Variants in EYS observed in about 807,000 individuals in gnomAD.
EYS encodes the protein protein eyes shut homolog.
Under a neutral mutation model 282.1 loss-of-function variants are expected in EYS, and 250 were observed. The observed-to-expected ratio is 0.89, with a 90% CI of 0.80 to 0.98. The LOEUF (loss-of-function observed/expected upper bound fraction) is 0.98. Ranked by LOEUF, EYS falls within the 50% of genes least tolerant of loss-of-function variation. The probability of loss-of-function intolerance (pLI) is 0.00; values close to 1 mark genes in which losing one functional copy is unlikely to be tolerated. For synonymous variants in EYS, 1,355 were observed against 1,282.9 expected, an observed-to-expected ratio of 1.06 and a Z score of -1.20; for missense variants, 4,016 against 3,709.0, an observed-to-expected ratio of 1.08 and a Z score of -2.15.
chr6:64,512,364 A>G (rs930307478), intron 26 of EYS, among the ~76,000 whole-genome samples: 2 of 152,044 alleles, frequency 1.3e-5, no homozygotes, highest in South Asian at 4.1e-4. Flanking sequence ...TACGCAATCT[A>G]TTTCATAGGT....
At chr6:65,581,577 C>T (rs1160285576) in intron 2 of EYS, among the ~76,000 whole-genome samples, 5 of 152,064 alleles carry the variant, frequency 3.3e-5, no homozygotes, top group Non-Finnish European at 7.4e-5. Flanking sequence ...AACAATCCCT[C>T]CTAATGTTTA....
intron 12 of EYS, among the ~76,000 whole-genome samples, chr6:65,110,558 C>T (rs1202443612): frequency 6.6e-6 from 1 of 151,918 alleles, no homozygotes; most frequent in Non-Finnish European, 1.5e-5. Context: ...TAGAGCTTTC[C>T]AGACAGAAAT....
intron 22 of EYS, among the ~76,000 whole-genome samples, chr6:64,724,768 T>C (rs1771696413): frequency 6.6e-6 from 1 of 152,166 alleles, no homozygotes; most frequent in African/African-American, 2.4e-5. Context: ...AAAAATAGCA[T>C]TTGTGAGTCA....
chr6:64,131,331 T>C (rs1364611969), intron 31 of EYS, among the ~76,000 whole-genome samples: 1 of 152,252 alleles, frequency 6.6e-6, no homozygotes, highest in Non-Finnish European at 1.5e-5. Flanking sequence ...TTTAAAAGTC[T>C]TCCATATTAT....
At chr6:64,587,277 T>A (rs554148061) in intron 26 of EYS, among the ~76,000 whole-genome samples, 89 of 152,180 alleles carry the variant, frequency 5.8e-4, no homozygotes, top group African/African-American at 1.9e-3. Flanking sequence ...TAGCTACTTT[T>A]CTATTATGGA....
At chr6:64,909,623 A>G (rs1265015899) in intron 16 of EYS, among the ~76,000 whole-genome samples, 1 of 152,032 alleles carries the variant, frequency 6.6e-6, no homozygotes, top group Non-Finnish European at 1.5e-5. Flanking sequence ...CCAATTAATC[A>G]CCGCAGTTTT....
chr6:64,574,114 A>T (rs1765806372), intron 26 of EYS, among the ~76,000 whole-genome samples: 1 of 152,218 alleles, frequency 6.6e-6, no homozygotes, highest in African/African-American at 2.4e-5. Flanking sequence ...GGATGAGTTC[A>T]TGTCCTTTGC....
chr6:65,037,121 A>G (rs1340174745), intron 13 of EYS, among the ~76,000 whole-genome samples: 1 of 151,988 alleles, frequency 6.6e-6, no homozygotes, highest in East Asian at 1.9e-4. Context: ...ATGGAATATT[A>G]AGCTGACATA....
rs533675088 is a variant in EYS, at chr6:64,742,037, G to A, written c.3443+71341C>T. 5.3e-5 allele frequency among the ~76,000 whole-genome samples: 8 copies of A among 152,178 alleles called. No homozygotes were observed. In the East Asian group the frequency reaches 1.4e-3, roughly 26 times the overall value. On this transcript the variant is annotated intron_variant, in intron 22 of 42. Transcript: ENST00000503581. ...TTTGGTGCAAGAGGCCCAGATTTCA[G>A]CCTGTCTTGACTTTCCATATGCCTT...
chr6:64,111,838 A>G lies in EYS; in HGVS notation c.6425-29836T>C, dbSNP rs565627656. Among the ~76,000 whole-genome samples, 16 of 152,176 alleles carry G rather than the reference A, an allele frequency of 1.1e-4. No individual in the cohort carries two copies. In the South Asian group the frequency reaches 3.3e-3, roughly 32 times the overall value. The stretch of plus-strand genomic sequence containing the variant: ...ATGGTAGAGAAGAATGAAAATTTAA[A>G]TATATTAGAAAGAAATATATTATGG... On this transcript the variant is annotated intron_variant, in intron 31 of 42. Coordinates refer to ENST00000503581, the MANE Select transcript of EYS (RefSeq NM_001142800.2).
chr6:65,023,637 A>G (rs577845138), intron 13 of EYS, among the ~76,000 whole-genome samples: 2 of 152,352 alleles, frequency 1.3e-5, no homozygotes, highest in East Asian at 3.9e-4. Flanking sequence ...TCTCTTTTAT[A>G]GTGAGACCTT....
At chr6:64,323,111 G>A (rs1451181092) in intron 29 of EYS, among the ~76,000 whole-genome samples, 4 of 150,730 alleles carry the variant, frequency 2.7e-5, no homozygotes, top group African/African-American at 4.9e-5. Flanking sequence ...GTTTTAATAT[G>A]TTCACAGAGT....
intron 26 of EYS, among the ~76,000 whole-genome samples, chr6:64,516,347 A>G (rs2150522597): frequency 6.6e-6 from 1 of 151,910 alleles, no homozygotes; most frequent in Admixed American, 6.6e-5. Flanking sequence ...ACTAATGGGT[A>G]CCAGGCTTAA....
chr6:63,828,000 A>G (rs1771522773), intron 36 of EYS, among the ~76,000 whole-genome samples: 1 of 152,214 alleles, frequency 6.6e-6, no homozygotes, highest in African/African-American at 2.4e-5. Flanking sequence ...ATTTGATAAA[A>G]AGACAATCAA....
chr6:64,830,716 G>T (rs1372937084), intron 19 of EYS, among the ~76,000 whole-genome samples: 1 of 151,924 alleles, frequency 6.6e-6, no homozygotes, highest in African/African-American at 2.4e-5. Flanking sequence ...TTATAATTTT[G>T]GGTATCTGTT....
At chr6:64,156,945 C>G (rs1462061720) in intron 31 of EYS, among the ~76,000 whole-genome samples, 15 of 151,376 alleles carry the variant, frequency 9.9e-5, no homozygotes, top group African/African-American at 2.9e-4. Context: ...GCACAATGTG[C>G]AGGTTAGTTA....
intron 28 of EYS, among the ~76,000 whole-genome samples, chr6:64,404,685 G>A (rs1773652154): frequency 6.6e-6 from 1 of 152,152 alleles, no homozygotes; most frequent in Non-Finnish European, 1.5e-5. Flanking sequence ...GCTTAATGGG[G>A]TTGGGGACTG....
chr6:63,751,175 C>G (rs1769332141), intron 41 of EYS, among the ~76,000 whole-genome samples: 1 of 152,000 alleles, frequency 6.6e-6, no homozygotes, highest in South Asian at 2.1e-4. Context: ...AAAGCTTAGT[C>G]TATGTCATAA....
chr6:65,541,662 G>A (rs1768172920), intron 2 of EYS, among the ~76,000 whole-genome samples: 1 of 151,520 alleles, frequency 6.6e-6, no homozygotes, highest in South Asian at 2.1e-4. Flanking sequence ...TTTCCCCAAG[G>A]GTTGATACAA....
Sources: allele counts gnomAD v4.1 joint callset (sites outside exome capture counted in the v4.1 genomes callset), GRCh38; gene constraint gnomAD v4.1.1; transcripts MANE v1.5; gene names NCBI Gene and HGNC (gene_info 2026-07-23, HGNC 2026-07-21).